The following ARHGAP21 variants were observed in gnomAD, a reference collection of about 807,000 sequenced individuals.
The protein encoded by ARHGAP21 is Rho GTPase activating protein 21, also known as rho GTPase-activating protein 21.
A neutral mutation model predicts 164.6 loss-of-function variants in ARHGAP21; 38 were observed. The observed-to-expected ratio is 0.23, with a 90% CI of 0.18 to 0.30. The LOEUF (loss-of-function observed/expected upper bound fraction) is 0.30, where lower values mean the gene tolerates loss of function less well. ARHGAP21 is among the 10% of genes least tolerant of loss of function. The pLI, the probability that ARHGAP21 is intolerant of heterozygous loss-of-function variation, is 1.00. For missense variants in ARHGAP21, 1,822 were observed against 2,370.7 expected, an observed-to-expected ratio of 0.77 and a Z score of 4.81; for synonymous variants, 766 against 857.9, an observed-to-expected ratio of 0.89 and a Z score of 1.87.
At chr10:24,695,879 A>C (rs1482103815) in intron 2 of ARHGAP21, among the ~76,000 whole-genome samples, 2 of 152,200 alleles carry the variant, frequency 1.3e-5, no homozygotes, top group Non-Finnish European at 2.9e-5. Flanking sequence ...GGCAAGTCTC[A>C]AGATGACTGC....
intron 11 of ARHGAP21, among the ~76,000 whole-genome samples, chr10:24,604,755 C>A (rs991113180): frequency 1.3e-5 from 2 of 152,144 alleles, no homozygotes; most frequent in African/African-American, 4.8e-5. Context: ...TGCTCCCTGT[C>A]ATCTCCACTC....
At chr10:24,679,207 A>G (rs1841544123) in intron 2 of ARHGAP21, among the ~76,000 whole-genome samples, 1 of 152,236 alleles carries the variant, frequency 6.6e-6, no homozygotes, top group South Asian at 2.1e-4. Flanking sequence ...GGTTGCTTAT[A>G]AACAACTGAA....
At chr10:24,704,818 C>A (rs1417506449) in intron 2 of ARHGAP21, among the ~76,000 whole-genome samples, 1 of 152,046 alleles carries the variant, frequency 6.6e-6, no homozygotes, top group Admixed American at 6.6e-5. Flanking sequence ...GTTGGCCAGG[C>A]TGCTCTCGAA....
intron 2 of ARHGAP21, among the ~76,000 whole-genome samples, chr10:24,717,917 C>T (rs969976472): frequency 2.6e-5 from 4 of 152,090 alleles, no homozygotes; most frequent in Admixed American, 6.6e-5. Context: ...TAGTAGGGAC[C>T]GGGTTTCACC....
At chr10:24,618,421 C>T (rs1834200946) in intron 9 of ARHGAP21, among the ~76,000 whole-genome samples, 1 of 151,942 alleles carries the variant, frequency 6.6e-6, no homozygotes, top group Admixed American at 6.5e-5. Flanking sequence ...AACAGTAATA[C>T]GAAGATAAAT....
In ARHGAP21 at chr10:24,621,207, G is replaced by C; in HGVS notation, c.688C>G (p.Gln230Glu). ...ISPPDSSLSK[Q>E]QTSTPVLTQP... ...GTCAGTACTGGTGTACTGGTTTGCTGTTTGCTCAATGATGAGTCAGGAGGA... is the reference window on the plus strand; with the variant it reads ...GTCAGTACTGGTGTACTGGTTTGCTCTTTGCTCAATGATGAGTCAGGAGGA... Residue 230 changes from glutamine (Q) to glutamate (E), a missense_variant, in exon 9 of 26, where the codon CAG (glutamine) becomes GAG (glutamate). Coordinates refer to ENST00000396432, the MANE Select transcript of ARHGAP21 (RefSeq NM_020824.4). 6.2e-7 allele frequency: 1 copy of C among 1,613,942 alleles called. No individual in the cohort carries two copies. The highest frequency in any genetic ancestry group is 8.5e-7 in the Non-Finnish European group (1 of 1,179,868).
At chr10:24,666,700 TA>T (rs1346813351) in intron 4 of ARHGAP21, among the ~76,000 whole-genome samples, 1 of 152,120 alleles carries the variant, frequency 6.6e-6, no homozygotes, top group Non-Finnish European at 1.5e-5. Flanking sequence ...CTAATTGAAA[TA>T]AAAATCTTAA....
intron 2 of ARHGAP21, among the ~76,000 whole-genome samples, chr10:24,699,396 C>T (rs911658214): frequency 6.6e-6 from 1 of 151,946 alleles, no homozygotes; most frequent in Admixed American, 6.6e-5. Context: ...GCGACCTTGG[C>T]TCATTGCAAC....
At position 24,621,193 on chromosome 10, in the gene ARHGAP21, T is replaced by G; in HGVS notation, c.702A>C (p.Thr234=). The G allele has an allele frequency of 6.2e-7, 1 of 1,613,878 alleles. No individual in the cohort carries two copies. Residue 234 remains threonine, a synonymous_variant, in exon 9 of 26, where the codon ACA becomes ACC. Transcript: ENST00000396432. ...CCCTACCAGGTTGTGTCAGTACTGG[T>G]GTACTGGTTTGCTGTTTGCTCAATG... The part of the protein sequence containing the change: ...DSSLSKQQTS[T]PVLTQPGRAY...
chr10:24,691,147 G>C (rs1842736659), intron 2 of ARHGAP21, among the ~76,000 whole-genome samples: 1 of 152,172 alleles, frequency 6.6e-6, no homozygotes, highest in Admixed American at 6.5e-5. Flanking sequence ...ACCCCTTAGA[G>C]ACAAGATAAC....
intron 3 of ARHGAP21, among the ~76,000 whole-genome samples, chr10:24,667,267 G>A (rs991154116): frequency 6.6e-6 from 1 of 152,176 alleles, no homozygotes; most frequent in East Asian, 1.9e-4. Context: ...AGATAAGCAG[G>A]CTGTGGGTGA....
At chr10:24,686,614 C>T (rs770985153) in intron 2 of ARHGAP21, among the ~76,000 whole-genome samples, 16 of 152,050 alleles carry the variant, frequency 1.1e-4, no homozygotes, top group Non-Finnish European at 2.1e-4. Context: ...ATAAAACTCC[C>T]CAATATGATC....
chr10:24,652,118 G>A lies in ARHGAP21; in HGVS notation c.268+14867C>T, dbSNP rs75776076. Among the ~76,000 whole-genome samples the A allele has an allele frequency of 3.3e-5, 5 of 152,146 alleles. No homozygotes were observed. The East Asian group carries it at 7.8e-4, about 24-fold the overall frequency. The stretch of plus-strand genomic sequence containing the variant: ...TTTTTAACAACCCTATAAAAATACA[G>A]ATCTATTCTTAGCTTGGAGGCTGTA... On this transcript the variant is annotated intron_variant, in intron 4 of 25. Coordinates refer to ENST00000396432, the MANE Select transcript of ARHGAP21 (RefSeq NM_020824.4).
intron 8 of ARHGAP21, 41 bp from the exon 9 acceptor site, chr10:24,621,410 A>G: frequency 6.8e-7 from 1 of 1,476,556 alleles, no homozygotes; most frequent in Non-Finnish European, 9.0e-7. Flanking sequence ...GAAATTCATA[A>G]AAAGAATAAT....
intron 7 of ARHGAP21, chr10:24,629,241 G>A (rs1338764039): frequency 1.3e-5 from 2 of 151,158 alleles, no homozygotes; most frequent in African/African-American, 4.9e-5. Flanking sequence ...CTGACCTCAT[G>A]ATCCGCCCGC....
intron 2 of ARHGAP21, among the ~76,000 whole-genome samples, chr10:24,702,510 G>A (rs879837321): frequency 6.6e-6 from 1 of 151,936 alleles, no homozygotes; most frequent in Non-Finnish European, 1.5e-5. Flanking sequence ...CATCTGTCAA[G>A]AAGCCCAAGA....
intron 2 of ARHGAP21, among the ~76,000 whole-genome samples, chr10:24,674,344 G>C (rs939004952): frequency 6.6e-6 from 1 of 152,156 alleles, no homozygotes; most frequent in Non-Finnish European, 1.5e-5. Context: ...GACCAATCTG[G>C]CCAACATGGT....
chr10:24,709,730 C>G (rs1328507420), intron 2 of ARHGAP21, among the ~76,000 whole-genome samples: 2 of 146,726 alleles, frequency 1.4e-5, no homozygotes, highest in African/African-American at 2.5e-5. Flanking sequence ...CAGAGCAAAA[C>G]CTTCTCTTAA....
chr10:24,604,235 T>G, intron 12 of ARHGAP21, 77 bp downstream of exon 12: 1 of 962,102 alleles, frequency 1.0e-6, no homozygotes, highest in Non-Finnish European at 1.5e-6. Flanking sequence ...ATTTAAATAT[T>G]AAATGTCTAC....
Sources: gnomAD v4.1 joint callset for allele counts (sites outside exome capture counted in the v4.1 genomes callset) on GRCh38, gnomAD v4.1.1 for gene constraint, MANE v1.5 for transcripts, NCBI Gene and HGNC (gene_info 2026-07-23, HGNC 2026-07-21) for gene names.